The following NEK5 variants were observed in gnomAD, a reference collection of about 807,000 sequenced individuals.
NEK5 encodes the protein NIMA related kinase 5.
Under a neutral mutation model 109.2 loss-of-function variants are expected in NEK5, and 88 were observed. That is an observed-to-expected ratio of 0.81 (90% CI 0.68 to 0.96). The LOEUF (loss-of-function observed/expected upper bound fraction) is 0.96, where lower values mean the gene tolerates loss of function less well. NEK5 is among the 40% of genes least tolerant of loss of function. The pLI is 0.00. For synonymous variants in NEK5, 283 were observed against 299.9 expected, an observed-to-expected ratio of 0.94 and a Z score of 0.58; for missense variants, 834 against 920.7, an observed-to-expected ratio of 0.91 and a Z score of 1.22.
chr13:52,077,497 G>A (rs560214409), intron 17 of NEK5, among the ~76,000 whole-genome samples: 1 of 152,150 alleles, frequency 6.6e-6, no homozygotes, highest in Admixed American at 6.5e-5. Flanking sequence ...TGCAGGGATG[G>A]AAACCGAAGA....
At chr13:52,076,717 A>ATGTG (rs1287065164) in intron 17 of NEK5, among the ~76,000 whole-genome samples, 1 of 152,156 alleles carries the variant, frequency 6.6e-6, no homozygotes, top group Admixed American at 6.5e-5. Context: ...AGACTCTTAA[A>ATGTG]TGTGTATCTT....
intron 11 of NEK5, 44 bp from the exon 12 acceptor site, chr13:52,099,920 T>A (rs1344517747): frequency 1.4e-6 from 2 of 1,456,024 alleles, no homozygotes; most frequent in Non-Finnish European, 9.6e-7. Context: ...TTAAAAATTG[T>A]ACACCATTAA....
At chr13:52,063,180 C>A (rs1184844487) in intron 21 of NEK5, among the ~76,000 whole-genome samples, 1 of 152,196 alleles carries the variant, frequency 6.6e-6, no homozygotes, top group Non-Finnish European at 1.5e-5. Context: ...CTGCCTGATT[C>A]TCCTGCCTCA....
intron 16 of NEK5, among the ~76,000 whole-genome samples, chr13:52,085,599 A>T (rs1955126011): frequency 6.6e-6 from 1 of 152,234 alleles, no homozygotes; most frequent in Non-Finnish European, 1.5e-5. Context: ...CAGTGCCTGC[A>T]AGCTTCTCCT....
intron 23 of NEK5, among the ~76,000 whole-genome samples, chr13:52,041,806 G>T (rs1366411692): frequency 1.3e-5 from 2 of 150,644 alleles, no homozygotes; most frequent in Admixed American, 6.6e-5. Flanking sequence ...GTACAATTAG[G>T]TACTACTGGA....
chr13:52,064,413 C>T (rs1239398930), intron 21 of NEK5, among the ~76,000 whole-genome samples: 1 of 145,300 alleles, frequency 6.9e-6, no homozygotes, highest in East Asian at 2.1e-4. Flanking sequence ...GAGCCAGCCC[C>T]CCGCCCGGCC....
intron 23 of NEK5, among the ~76,000 whole-genome samples, chr13:52,039,935 G>A (rs562073883): frequency 3.3e-5 from 5 of 152,138 alleles, no homozygotes; most frequent in African/African-American, 9.6e-5. Context: ...GGTCATGAGA[G>A]CACAGCCCTC....
chr13:52,103,331 T>C (rs1955580802), intron 9 of NEK5, among the ~76,000 whole-genome samples: 2 of 152,180 alleles, frequency 1.3e-5, no homozygotes, highest in South Asian at 2.1e-4. Context: ...CTCGGGAGGC[T>C]GAGGCAAGAG....
intron 22 of NEK5, among the ~76,000 whole-genome samples, chr13:52,060,968 T>C (rs992841262): frequency 6.6e-6 from 1 of 152,018 alleles, no homozygotes. Context: ...CAAGAGATCC[T>C]CCTGCCTCAG....
In NEK5 at chr13:52,128,624, G is replaced by A. The variant is rs74087066; in HGVS notation, c.-91+405C>T. The stretch of plus-strand genomic sequence containing the variant: ...CTGGGAACCAGCTCCGCAGCCAGGA[G>A]AGGCTGCAGACACCGGAGGATCGGG... On this transcript the variant is annotated intron_variant, in intron 1 of 23. Transcript: ENST00000684899. Among the ~76,000 whole-genome samples, 898 of 152,196 alleles carry A rather than the reference G, an allele frequency of 5.9e-3. 13 individuals are homozygous for A. Among genetic ancestry groups the A allele is most frequent in the African/African-American group, 0.021 (856 of 41,544 alleles).
At chr13:52,077,946 T>C (rs965959046) in intron 17 of NEK5, among the ~76,000 whole-genome samples, 3 of 152,040 alleles carry the variant, frequency 2.0e-5, no homozygotes, top group Non-Finnish European at 4.4e-5. Flanking sequence ...TGGTGGCGCA[T>C]GCCTGTAATC....
At chr13:52,117,478 T>C (rs1337660388) in intron 4 of NEK5, among the ~76,000 whole-genome samples, 8 of 152,214 alleles carry the variant, frequency 5.3e-5, no homozygotes, top group Admixed American at 5.2e-4. Context: ...AAACTTACAG[T>C]ATCAACAAAC....
chr13:52,035,594 A>G lies in NEK5; in HGVS notation c.*1354T>C, dbSNP rs1323268820. The G allele has an allele frequency of 2.0e-5, 3 of 152,248 alleles. No homozygotes were observed. Among genetic ancestry groups the G allele is most frequent in the African/African-American group, 7.2e-5 (3 of 41,460 alleles). The allele number at this position is 152,248 out of a possible 1,614,324, so 9.4% of individuals were successfully genotyped here. ...TTTAAAAAGTTAGTTTTCCTACACC[A>G]AACAGCTTACAGTCTTAATGAGGAA... On this transcript the variant is annotated 3_prime_UTR_variant, in exon 24 of 24. Coordinates refer to ENST00000684899, the MANE Select transcript of NEK5 (RefSeq NM_001365552.1).
At position 52,125,424 on chromosome 13, in the gene NEK5, G is replaced by A. The variant is rs535733725; in HGVS notation, c.117+1942C>T. Among the ~76,000 whole-genome samples, 6 of 152,238 alleles carry A rather than the reference G, an allele frequency of 3.9e-5. No homozygotes were observed. In the South Asian group the frequency reaches 6.2e-4, roughly 16 times the overall value. On this transcript the variant is annotated intron_variant, in intron 3 of 23. Coordinates refer to ENST00000684899, the MANE Select transcript of NEK5 (RefSeq NM_001365552.1). ...TAAAAATACAAAAAATTAGCCAGGC[G>A]TGGTGGCGGGCGCCTGTAGTCCCAG...
At position 52,123,839 on chromosome 13, in the gene NEK5, G is replaced by A. The variant is rs935082336; in HGVS notation, c.117+3527C>T. Among the ~76,000 whole-genome samples, 13 of 144,042 alleles carry A rather than the reference G, an allele frequency of 9.0e-5. 1 individual carries two copies. The highest frequency in any genetic ancestry group is 4.9e-4 in the South Asian group (2 of 4,084). 94.5% of individuals were successfully genotyped at this position (144,042 alleles called of 152,430 possible). On this transcript the variant is annotated intron_variant, in intron 3 of 23. Coordinates refer to ENST00000684899, the MANE Select transcript of NEK5 (RefSeq NM_001365552.1). ...TGGAGGTATGGTAGAGCTCAGCCTT[G>A]AACAAGTGGGATCTTGATGCTGGGA...
intron 11 of NEK5, among the ~76,000 whole-genome samples, chr13:52,101,180 C>T (rs185803316): frequency 0.016 from 2,373 of 152,176 alleles, 72 homozygotes; most frequent in Admixed American, 0.08. Flanking sequence ...GGGCGGATCA[C>T]GAGGTCCGGA....
At chr13:52,072,379 C>A (rs1954798475) in intron 19 of NEK5, among the ~76,000 whole-genome samples, 1 of 152,216 alleles carries the variant, frequency 6.6e-6, no homozygotes, top group South Asian at 2.1e-4. Flanking sequence ...TCAAGCTTTT[C>A]TCATTCATGC....
intron 22 of NEK5, among the ~76,000 whole-genome samples, chr13:52,060,159 A>G (rs1954599361): frequency 6.6e-6 from 1 of 152,148 alleles, no homozygotes; most frequent in African/African-American, 2.4e-5. Flanking sequence ...TGAGTTTATA[A>G]TCTTAAACTT....
intron 15 of NEK5, among the ~76,000 whole-genome samples, chr13:52,086,895 G>T (rs1955154637): frequency 6.6e-6 from 1 of 152,188 alleles, no homozygotes; most frequent in African/African-American, 2.4e-5. Context: ...GTAAAGAAAT[G>T]CCAAAGATTG....
Sources: allele counts gnomAD v4.1 joint callset (sites outside exome capture counted in the v4.1 genomes callset), GRCh38; gene constraint gnomAD v4.1.1; transcripts MANE v1.5; gene names NCBI Gene and HGNC (gene_info 2026-07-23, HGNC 2026-07-21).